Variants in RGS7 observed in about 807,000 individuals in gnomAD.
The protein encoded by RGS7 is regulator of G protein signaling 7, also known as regulator of G-protein signaling 7.
In RGS7, 27 loss-of-function variants were observed where a neutral mutation model predicts 81.1. The ratio of observed to expected loss-of-function variants is 0.33; its 90% CI spans 0.25 to 0.46. The LOEUF is 0.46. RGS7 is among the 20% of genes least tolerant of loss of function. The pLI is 1.00. For synonymous variants in RGS7, 208 were observed against 207.7 expected (o/e 1.00, Z -0.01); for missense variants, 396 against 607.4 (o/e 0.65, Z 3.66).
At chr1:240,943,896 C>T (rs1031853078) in intron 4 of RGS7, among the ~76,000 whole-genome samples, 1 of 151,676 alleles carries the variant, frequency 6.6e-6, no homozygotes, top group Non-Finnish European at 1.5e-5. Context: ...ACGGGGACAG[C>T]AATCAGAATG....
intron 2 of RGS7, among the ~76,000 whole-genome samples, chr1:241,321,869 C>A (rs35727099): frequency 6.6e-6 from 1 of 151,972 alleles, no homozygotes; most frequent in African/African-American, 2.4e-5. Context: ...TCCAAACCGC[C>A]GTTCTAGAAT....
intron 2 of RGS7, among the ~76,000 whole-genome samples, chr1:241,324,372 C>A (rs1215521145): frequency 1.3e-5 from 2 of 151,660 alleles, no homozygotes; most frequent in Admixed American, 6.6e-5. Flanking sequence ...TACTTAAAAC[C>A]TAGATTCTTT....
chr1:241,246,421 G>A (rs1014655710), intron 2 of RGS7, among the ~76,000 whole-genome samples: 1 of 152,126 alleles, frequency 6.6e-6, no homozygotes, highest in Admixed American at 6.5e-5. Flanking sequence ...ATGTCCCTGC[G>A]GGTAGAAGGT....
At chr1:240,830,740 A>G (rs1372226281) in intron 9 of RGS7, among the ~76,000 whole-genome samples, 1 of 152,124 alleles carries the variant, frequency 6.6e-6, no homozygotes, top group Non-Finnish European at 1.5e-5. Flanking sequence ...TTGAACTCTA[A>G]ACTCCTTCCA....
At chr1:240,996,839 A>G (rs1687366066) in intron 3 of RGS7, among the ~76,000 whole-genome samples, 1 of 152,192 alleles carries the variant, frequency 6.6e-6, no homozygotes, top group South Asian at 2.1e-4. Context: ...TAATGTAATT[A>G]CTGATAGGGC....
At chr1:241,034,027 G>A (rs1160477470) in intron 3 of RGS7, among the ~76,000 whole-genome samples, 2 of 152,158 alleles carry the variant, frequency 1.3e-5, no homozygotes, top group Non-Finnish European at 2.9e-5. Flanking sequence ...GCACGAAGAA[G>A]CATCTTAGAG....
intron 2 of RGS7, among the ~76,000 whole-genome samples, chr1:241,132,657 AG>A: frequency 6.6e-6 from 1 of 152,208 alleles, no homozygotes; most frequent in African/African-American, 2.4e-5. Context: ...GAGGTACATT[AG>A]CCTCAAATTT....
At chr1:241,317,622 C>T (rs528067079) in intron 2 of RGS7, among the ~76,000 whole-genome samples, 1 of 152,170 alleles carries the variant, frequency 6.6e-6, no homozygotes, top group Admixed American at 6.5e-5. Context: ...CCCAGCCACC[C>T]GGGATTCCAG....
At position 240,816,416 on chromosome 1, in the gene RGS7, C is replaced by T; in HGVS notation, c.685-1G>A. 6.4e-7 allele frequency: 1 copy of T among 1,563,302 alleles called. No individual in the cohort carries two copies. The highest frequency in any genetic ancestry group is 8.8e-7 in the Non-Finnish European group (1 of 1,134,094). On this transcript the variant is annotated splice_acceptor_variant, in intron 10 of 18. Coordinates refer to ENST00000440928, the MANE Select transcript of RGS7 (RefSeq NM_001364886.1). LOFTEE classifies it high-confidence loss of function. The stretch of plus-strand genomic sequence containing the variant: ...TATCATTTTGTAAACCATAGACAGA[C>T]TATATTAAAATAAAAAATAAACATT...
intron 3 of RGS7, among the ~76,000 whole-genome samples, chr1:241,042,894 C>T (rs1354119084): frequency 6.7e-6 from 1 of 149,732 alleles, no homozygotes; most frequent in Non-Finnish European, 1.5e-5. Flanking sequence ...GAGCCGAGAT[C>T]ACAGTGAGCC....
intron 10 of RGS7, among the ~76,000 whole-genome samples, chr1:240,824,394 G>A (rs916295118): frequency 2.0e-5 from 3 of 152,234 alleles, no homozygotes; most frequent in African/African-American, 4.8e-5. Context: ...TCCACTTCCT[G>A]AGCAGCCACA....
intron 6 of RGS7, among the ~76,000 whole-genome samples, chr1:240,900,077 C>T (rs536256750): frequency 1.9e-4 from 29 of 152,270 alleles, no homozygotes; most frequent in Admixed American, 9.2e-4. Flanking sequence ...TTGATCGAAT[C>T]GGCTATTGAA....
chr1:241,143,269 G>T (rs1263249679), intron 2 of RGS7, among the ~76,000 whole-genome samples: 1 of 152,072 alleles, frequency 6.6e-6, no homozygotes, highest in Non-Finnish European at 1.5e-5. Context: ...ACATGTTTGG[G>T]TATCTTTTCA....
At chr1:241,022,100 AG>A (rs760781511) in intron 3 of RGS7, among the ~76,000 whole-genome samples, 80 of 152,214 alleles carry the variant, frequency 5.3e-4, no homozygotes, top group Non-Finnish European at 1.1e-3. Context: ...ATTATATACA[AG>A]GGGGTTACTA....
At chr1:240,980,974 A>G (rs1353676458) in intron 4 of RGS7, among the ~76,000 whole-genome samples, 1 of 152,210 alleles carries the variant, frequency 6.6e-6, no homozygotes, top group Non-Finnish European at 1.5e-5. Context: ...TCAGTTTTCC[A>G]TGCACATTAT....
intron 2 of RGS7, among the ~76,000 whole-genome samples, chr1:241,267,157 A>C (rs2077636085): frequency 6.6e-6 from 1 of 152,192 alleles, no homozygotes; most frequent in Admixed American, 6.5e-5. Context: ...CGTCTCTCTC[A>C]GTTTCTCCCA....
chr1:240,995,732 A>C (rs1687184033), intron 3 of RGS7, among the ~76,000 whole-genome samples: 1 of 145,312 alleles, frequency 6.9e-6, no homozygotes, highest in Non-Finnish European at 1.5e-5. Context: ...GTCTTGTTAC[A>C]GAACTGTCAA....
intron 9 of RGS7, among the ~76,000 whole-genome samples, chr1:240,837,313 A>G (rs1271904677): frequency 6.6e-6 from 1 of 152,168 alleles, no homozygotes; most frequent in African/African-American, 2.4e-5. Context: ...TTCCCTTTCT[A>G]TGATTATTTC....
Position 241,013,053 on chromosome 1 carries a change from C to CTTTT in RGS7, c.176-29928_176-29925dup, listed in dbSNP as rs146066815. Among the ~76,000 whole-genome samples, 53 of 80,332 alleles carry CTTTT rather than the reference C, an allele frequency of 6.6e-4. 1 individual carries two copies. The highest frequency in any genetic ancestry group is 2.1e-3 in the African/African-American group (46 of 21,656). 52.7% of individuals were successfully genotyped at this position (80,332 alleles called of 152,430 possible). A position where few individuals can be genotyped will look rare whatever the true frequency, so the allele number is the denominator to read the frequency against. On this transcript the variant is annotated intron_variant, in intron 3 of 18. Transcript: ENST00000440928. The stretch of plus-strand genomic sequence containing the variant: ...AAAAATGTCAGCCATCTGACCCCTC[C>CTTTT]TTTTTTTTTTTTTTTTTTTTTTTTT...
Sources: allele counts gnomAD v4.1 joint callset (sites outside exome capture counted in the v4.1 genomes callset), GRCh38; gene constraint gnomAD v4.1.1; transcripts MANE v1.5; gene names NCBI Gene and HGNC (gene_info 2026-07-23, HGNC 2026-07-21).